ASAP1: variants seen among roughly 807,000 people sequenced by gnomAD.
ASAP1 encodes the protein ArfGAP with SH3 domain, ankyrin repeat and PH domain 1.
Under a neutral mutation model 145.2 loss-of-function variants are expected in ASAP1, and 43 were observed. The observed-to-expected ratio is 0.30, with a 90% confidence interval of 0.23 to 0.38. ASAP1 has a LOEUF of 0.38. Ranked by LOEUF, ASAP1 falls within the 10% of genes least tolerant of loss-of-function variation. ASAP1 has a pLI of 1.00. For missense variants in ASAP1, 1,018 were observed against 1,355.3 expected (o/e 0.75, Z 3.91); for synonymous variants, 546 against 515.5 (o/e 1.06, Z -0.80).
At chr8:130,092,791 C>T (rs1016729485) in intron 24 of ASAP1, among the ~76,000 whole-genome samples, 4 of 152,230 alleles carry the variant, frequency 2.6e-5, no homozygotes, top group African/African-American at 9.6e-5. Context: ...AAATCACACA[C>T]CACTACCAGC....
At chr8:130,356,595 G>T (rs952317287) in intron 3 of ASAP1, among the ~76,000 whole-genome samples, 5 of 152,096 alleles carry the variant, frequency 3.3e-5, no homozygotes, top group African/African-American at 1.2e-4. Context: ...AACAAACCTA[G>T]TTAGGTGGTA....
At chr8:130,203,588 T>C (rs1816008682) in intron 5 of ASAP1, among the ~76,000 whole-genome samples, 1 of 152,122 alleles carries the variant, frequency 6.6e-6, no homozygotes, top group South Asian at 2.1e-4. Context: ...ACATTTAATC[T>C]GAATCGGCTA....
At chr8:130,356,469 G>A (rs1826313727) in intron 3 of ASAP1, among the ~76,000 whole-genome samples, 2 of 152,150 alleles carry the variant, frequency 1.3e-5, no homozygotes, top group African/African-American at 4.8e-5. Context: ...GACCCATGAT[G>A]GGGTTCAATG....
chr8:130,135,426 A>C (rs1391583844), intron 14 of ASAP1, among the ~76,000 whole-genome samples: 1 of 152,204 alleles, frequency 6.6e-6, no homozygotes. Flanking sequence ...TTGAGGCTGC[A>C]GTGAGCTGCG....
In ASAP1 at chr8:130,191,400, A is replaced by G. The variant is rs562137093; in HGVS notation, c.406-3217T>C. On this transcript the variant is annotated intron_variant, in intron 5 of 29. Coordinates refer to ENST00000518721, the MANE Select transcript of ASAP1 (RefSeq NM_018482.4). ...ACTCAAGAAATGATTTTACTCACAC[A>G]TAAGTGTATTCAACTGTCAGCCTGT... Among the ~76,000 whole-genome samples, 5 of 152,336 alleles carry G rather than the reference A, an allele frequency of 3.3e-5. No individual in the cohort carries two copies. The South Asian group carries it at 8.3e-4, about 25-fold the overall frequency.
At chr8:130,139,753 A>C (rs1038203607) in intron 13 of ASAP1, among the ~76,000 whole-genome samples, 1 of 146,704 alleles carries the variant, frequency 6.8e-6, no homozygotes, top group Non-Finnish European at 1.5e-5. Context: ...ACAAACAAAC[A>C]AAAAACAAAA....
At chr8:130,279,647 G>T (rs973084397) in intron 3 of ASAP1, among the ~76,000 whole-genome samples, 4 of 152,132 alleles carry the variant, frequency 2.6e-5, no homozygotes, top group Non-Finnish European at 5.9e-5. Context: ...AAAACAAATA[G>T]ACTTGACTAG....
intron 3 of ASAP1, among the ~76,000 whole-genome samples, chr8:130,283,628 AG>A (rs1164796669): frequency 1.1e-4 from 17 of 151,016 alleles, no homozygotes; most frequent in Admixed American, 5.9e-4. Flanking sequence ...GGCAGGATGC[AG>A]ACAGCTAAAG....
At chr8:130,438,458 A>G (rs887406151) in intron 1 of ASAP1, among the ~76,000 whole-genome samples, 3 of 152,132 alleles carry the variant, frequency 2.0e-5, no homozygotes, top group Non-Finnish European at 2.9e-5. Flanking sequence ...GCTTTGGAAC[A>G]AGGTTTTAGC....
At chr8:130,399,685 A>C (rs1298053604) in intron 2 of ASAP1, among the ~76,000 whole-genome samples, 1 of 152,150 alleles carries the variant, frequency 6.6e-6, no homozygotes, top group Non-Finnish European at 1.5e-5. Context: ...AAGTAATTAC[A>C]ATGCCCTATG....
intron 8 of ASAP1, among the ~76,000 whole-genome samples, chr8:130,179,859 C>A (rs62525876): frequency 6.6e-6 from 1 of 151,784 alleles, no homozygotes; most frequent in Non-Finnish European, 1.5e-5. Context: ...TTGTACTGTG[C>A]ACTGGTCAAG....
chr8:130,146,955 G>C (rs982675651), intron 13 of ASAP1, among the ~76,000 whole-genome samples: 1 of 152,092 alleles, frequency 6.6e-6, no homozygotes, highest in Non-Finnish European at 1.5e-5. Context: ...GCCAGGTGTG[G>C]CAGCTCATGT....
At chr8:130,283,083 G>A (rs1183287279) in intron 3 of ASAP1, among the ~76,000 whole-genome samples, 2 of 152,206 alleles carry the variant, frequency 1.3e-5, no homozygotes, top group African/African-American at 4.8e-5. Context: ...GGCAAATTTG[G>A]TGGAGCAAAC....
intron 3 of ASAP1, among the ~76,000 whole-genome samples, chr8:130,253,340 A>G (rs563193443): frequency 6.6e-5 from 10 of 152,356 alleles, no homozygotes; most frequent in African/African-American, 2.4e-4. Flanking sequence ...AAATCCATAT[A>G]AAGTGCCTTA....
Position 130,091,967 on chromosome 8 carries a change from A to G in ASAP1, c.2572+6T>C, listed in dbSNP as rs1252014090. 1 of 1,534,330 alleles carries G rather than the reference A, an allele frequency of 6.5e-7. No homozygotes were observed. Among genetic ancestry groups the G allele is most frequent in the Non-Finnish European group, 8.7e-7 (1 of 1,147,904 alleles). ...CAGCTTTGGCCCTGACTTTAGGATA[A>G]CTTACCCCAAGGAACTGCGCCTTTG... On this transcript the variant is annotated splice_donor_region_variant and intron_variant, in intron 25 of 29. Transcript: ENST00000518721.
At chr8:130,178,638 CAAT>C (rs1386372250) in intron 9 of ASAP1, among the ~76,000 whole-genome samples, 1 of 152,010 alleles carries the variant, frequency 6.6e-6, no homozygotes. Context: ...GCAAATGGTG[CAAT>C]AATAGGCCAA....
At chr8:130,147,265 G>T (rs1460037070) in intron 13 of ASAP1, among the ~76,000 whole-genome samples, 1 of 144,258 alleles carries the variant, frequency 6.9e-6, no homozygotes, top group Non-Finnish European at 1.5e-5. Context: ...GGGGATAGTT[G>T]TACATTAGAG....
intron 2 of ASAP1, among the ~76,000 whole-genome samples, chr8:130,400,187 C>G (rs984729717): frequency 3.9e-5 from 6 of 152,162 alleles, no homozygotes; most frequent in Non-Finnish European, 8.8e-5. Flanking sequence ...ACCACCCCTT[C>G]TAGCACCCAC....
chr8:130,372,276 G>C (rs1023705009), intron 2 of ASAP1, among the ~76,000 whole-genome samples: 2 of 152,244 alleles, frequency 1.3e-5, no homozygotes, highest in East Asian at 1.9e-4. Flanking sequence ...GGCTAAGGGA[G>C]AGGAGACAAG....
Sources: gnomAD v4.1 joint callset for allele counts (sites outside exome capture counted in the v4.1 genomes callset) on GRCh38, gnomAD v4.1.1 for gene constraint, MANE v1.5 for transcripts, NCBI Gene and HGNC (gene_info 2026-07-23, HGNC 2026-07-21) for gene names.